The following ERBB4 variants were observed in gnomAD, a reference collection of about 807,000 sequenced individuals.
ERBB4 encodes the protein erb-b2 receptor tyrosine kinase 4.
In ERBB4, 42 loss-of-function variants were observed where a neutral mutation model predicts 158.0. That is an observed-to-expected ratio of 0.27 (90% CI 0.21 to 0.34). The LOEUF is 0.34. ERBB4 is among the 10% of genes least tolerant of loss of function. The probability of loss-of-function intolerance (pLI) is 1.00; values close to 1 mark genes in which losing one functional copy is unlikely to be tolerated. For missense variants in ERBB4, 1,333 were observed against 1,624.1 expected, an observed-to-expected ratio of 0.82 and a Z score of 3.08; for synonymous variants, 583 against 558.7, an observed-to-expected ratio of 1.04 and a Z score of -0.61.
chr2:212,042,174 G>A (rs1305112593), intron 2 of ERBB4, among the ~76,000 whole-genome samples: 2 of 152,064 alleles, frequency 1.3e-5, no homozygotes. Context: ...GATAGTTGAA[G>A]AAATAAATCG....
chr2:212,474,413 G>A (rs1574987315), intron 1 of ERBB4, among the ~76,000 whole-genome samples: 1 of 152,136 alleles, frequency 6.6e-6, no homozygotes, highest in East Asian at 1.9e-4. Flanking sequence ...TGTTGGCAGA[G>A]AAAAGCTTTA....
chr2:211,447,933 G>T (rs1429613693), intron 20 of ERBB4, among the ~76,000 whole-genome samples: 1 of 152,104 alleles, frequency 6.6e-6, no homozygotes, highest in Non-Finnish European at 1.5e-5. Flanking sequence ...GGTTTGGTGA[G>T]TAAGGAAGAA....
intron 1 of ERBB4, among the ~76,000 whole-genome samples, chr2:212,271,428 T>C (rs893758587): frequency 1.3e-5 from 2 of 151,758 alleles, no homozygotes; most frequent in African/African-American, 4.8e-5. Context: ...ACTTTCAGAA[T>C]TTCTCTCTGG....
At chr2:211,893,948 T>G (rs2079034119) in intron 3 of ERBB4, among the ~76,000 whole-genome samples, 1 of 127,008 alleles carries the variant, frequency 7.9e-6, no homozygotes, top group African/African-American at 3.2e-5. Context: ...TAGGAACACT[T>G]TGACACTGTT....
At chr2:212,170,794 G>A (rs1331187495) in intron 1 of ERBB4, among the ~76,000 whole-genome samples, 3 of 152,102 alleles carry the variant, frequency 2.0e-5, no homozygotes, top group Non-Finnish European at 4.4e-5. Flanking sequence ...CCTCTGCCTC[G>A]ATTTCAGAGG....
chr2:211,384,075 A>T lies in ERBB4; in HGVS notation c.3482-15T>A. 2 of 1,584,732 alleles carry T rather than the reference A, an allele frequency of 1.3e-6. No individual in the cohort carries two copies. Among genetic ancestry groups the T allele is most frequent in the East Asian group, 4.5e-5 (2 of 44,722 alleles). On this transcript the variant is annotated splice_polypyrimidine_tract_variant and intron_variant, in intron 27 of 27. Transcript: ENST00000342788. ...ATTCAGGTATTCTAAAGGAATAAAA[A>T]AATATCAGCTAACCTCTAGTTTCTG... is the stretch of plus-strand genomic sequence containing the variant.
chr2:212,426,475 A>G (rs10166403), intron 1 of ERBB4: 55,162 of 385,734 alleles, frequency 0.14, 4,422 homozygotes, highest in African/African-American at 0.2. Flanking sequence ...TGATATTTTT[A>G]TTAAATAGTT....
chr2:212,132,805 A>G (rs1457699103), intron 1 of ERBB4, among the ~76,000 whole-genome samples: 1 of 151,990 alleles, frequency 6.6e-6, no homozygotes, highest in Non-Finnish European at 1.5e-5. Flanking sequence ...TATAGCATAT[A>G]TGTGTGTGTG....
chr2:212,024,506 G>A (rs2076729416), intron 2 of ERBB4, among the ~76,000 whole-genome samples: 1 of 151,934 alleles, frequency 6.6e-6, no homozygotes, highest in African/African-American at 2.4e-5. Context: ...ACAGGCTCAA[G>A]TTGTTCCTTA....
intron 1 of ERBB4, among the ~76,000 whole-genome samples, chr2:212,206,969 A>T (rs1016011041): frequency 9.2e-5 from 14 of 151,434 alleles, no homozygotes; most frequent in Admixed American, 5.3e-4. Flanking sequence ...ATGGACTGCA[A>T]TTAACCATGT....
Position 212,380,456 on chromosome 2 carries a change from CTG to C in ERBB4, c.82+157991_82+157992del, listed in dbSNP as rs6147158. 6.2e-3 allele frequency among the ~76,000 whole-genome samples: 887 copies of C among 142,996 alleles called. 6 individuals are homozygous for C. The highest frequency in any genetic ancestry group is 0.015 in the South Asian group (67 of 4,568). 93.8% of individuals were successfully genotyped at this position (142,996 alleles called of 152,430 possible). On this transcript the variant is annotated intron_variant, in intron 1 of 27. Coordinates refer to ENST00000342788, the MANE Select transcript of ERBB4 (RefSeq NM_005235.3). ...ATACCTCAGATACTGAGGAATGACT[CTG>C]TGTGTGTGTGTGTGTGTGTGTGTGT...
intron 1 of ERBB4, among the ~76,000 whole-genome samples, chr2:212,516,510 C>A (rs1380520670): frequency 6.6e-6 from 1 of 152,048 alleles, no homozygotes; most frequent in Non-Finnish European, 1.5e-5. Context: ...CACTTATTTT[C>A]TGTAAAATAA....
intron 2 of ERBB4, among the ~76,000 whole-genome samples, chr2:211,954,752 C>T (rs1306865244): frequency 6.6e-6 from 1 of 152,018 alleles, no homozygotes; most frequent in Non-Finnish European, 1.5e-5. Context: ...GTAGCCTCTC[C>T]ATCAGTAAAG....
At chr2:212,376,920 TTTTATTTCATCTGTCTTTATTTCATTGTC>T in intron 1 of ERBB4, among the ~76,000 whole-genome samples, 1 of 152,014 alleles carries the variant, frequency 6.6e-6, no homozygotes, top group Non-Finnish European at 1.5e-5. Context: ...GAAAACACAA[TTTTATTTCATCTGTCTTTATTTCATTGTC>T]TTTATTTCAT....
At chr2:212,108,167 T>A (rs1017814038) in intron 2 of ERBB4, among the ~76,000 whole-genome samples, 1 of 152,136 alleles carries the variant, frequency 6.6e-6, no homozygotes, top group Non-Finnish European at 1.5e-5. Context: ...GTCATGAATA[T>A]GCACACTTTA....
intron 11 of ERBB4, among the ~76,000 whole-genome samples, chr2:211,703,698 G>C (rs2073336295): frequency 6.6e-6 from 1 of 152,120 alleles, no homozygotes; most frequent in Non-Finnish European, 1.5e-5. Context: ...CCTGTGACGT[G>C]TAGTTCAATT....
At chr2:211,507,424 C>G (rs2065779202) in intron 20 of ERBB4, among the ~76,000 whole-genome samples, 1 of 152,052 alleles carries the variant, frequency 6.6e-6, no homozygotes, top group Admixed American at 6.5e-5. Flanking sequence ...AAACTACAGG[C>G]CAATTGCTTT....
intron 3 of ERBB4, among the ~76,000 whole-genome samples, chr2:211,924,451 A>ATTTAGGGTACATCATATAGGGTATAGATG (rs1436631866): frequency 1.3e-5 from 2 of 152,178 alleles, no homozygotes; most frequent in Non-Finnish European, 1.5e-5. Flanking sequence ...AACTGTACTC[A>ATTTAGGGTACATCATATAGGGTATAGATG]TACCCTATAC....
At position 212,331,179 on chromosome 2, in the gene ERBB4, T is replaced by A. The variant is rs913892248; in HGVS notation, c.83-206276A>T. Among the ~76,000 whole-genome samples, 17 of 149,884 alleles carry A rather than the reference T, an allele frequency of 1.1e-4. 1 individual carries two copies. Among genetic ancestry groups the A allele is most frequent in the Non-Finnish European group, 2.5e-4 (17 of 67,456 alleles). On this transcript the variant is annotated intron_variant, in intron 1 of 27. Coordinates refer to ENST00000342788, the MANE Select transcript of ERBB4 (RefSeq NM_005235.3). Reference sequence around the variant, plus strand: ...GTGTAACACTTATTGACAGACCACATAATGATGTATATGCCGCATCTCTTG... The same window carrying A: ...GTGTAACACTTATTGACAGACCACAAAATGATGTATATGCCGCATCTCTTG...
Sources: allele counts gnomAD v4.1 joint callset (sites outside exome capture counted in the v4.1 genomes callset), GRCh38; gene constraint gnomAD v4.1.1; transcripts MANE v1.5; gene names NCBI Gene and HGNC (gene_info 2026-07-23, HGNC 2026-07-21).